SDCCAG8: variants seen among roughly 807,000 people sequenced by gnomAD.
The protein encoded by SDCCAG8 is serologically defined colon cancer antigen 8.
Under a neutral mutation model 101.8 loss-of-function variants are expected in SDCCAG8, and 74 were observed. The ratio of observed to expected loss-of-function variants is 0.73; its 90% CI spans 0.60 to 0.88. The LOEUF (loss-of-function observed/expected upper bound fraction) is 0.88, where lower values mean the gene tolerates loss of function less well. Among genes scored for constraint, SDCCAG8 ranks in the 40% least tolerant of loss-of-function variants. The pLI, the probability that SDCCAG8 is intolerant of heterozygous loss-of-function variation, is 0.00. For synonymous variants in SDCCAG8, 281 were observed against 292.9 expected (o/e 0.96, Z 0.41); for missense variants, 787 against 822.6 (o/e 0.96, Z 0.53).
intron 1 of SDCCAG8, chr1:243,267,372 G>A (rs1423073311): frequency 1.6e-5 from 4 of 244,260 alleles, no homozygotes. Flanking sequence ...TGAGACGGGC[G>A]GATTTCACCT....
At chr1:243,490,211 CAT>C (rs759797762) in intron 17 of SDCCAG8, among the ~76,000 whole-genome samples, 13 of 152,272 alleles carry the variant, frequency 8.5e-5, no homozygotes, top group African/African-American at 1.7e-4. Flanking sequence ...CTCTGCCAAA[CAT>C]GTGTTCACAG....
chr1:243,339,005 C>T (rs949687155), intron 10 of SDCCAG8: 2 of 149,286 alleles, frequency 1.3e-5, no homozygotes, highest in South Asian at 2.9e-4. Flanking sequence ...GGGTGGGCGG[C>T]AGGAGGGAGC....
chr1:243,361,793 C>G (rs1181637653), intron 12 of SDCCAG8, among the ~76,000 whole-genome samples: 1 of 152,334 alleles, frequency 6.6e-6, no homozygotes, highest in East Asian at 1.9e-4. Flanking sequence ...GTTATTCTCT[C>G]ACAGCACCTC....
chr1:243,405,463 G>A (rs555846517), intron 13 of SDCCAG8, among the ~76,000 whole-genome samples: 214 of 152,112 alleles, frequency 1.4e-3, no homozygotes, highest in Non-Finnish European at 2.5e-3. Context: ...AAATATTATT[G>A]AATGCCTTCT....
At chr1:243,321,400 G>A (rs1181096635) in intron 9 of SDCCAG8, among the ~76,000 whole-genome samples, 1 of 150,278 alleles carries the variant, frequency 6.7e-6, no homozygotes, top group African/African-American at 2.5e-5. Context: ...CCCCCAAGTT[G>A]TCTGCAGTGT....
At chr1:243,323,008 G>A (rs1470335731) in intron 9 of SDCCAG8, among the ~76,000 whole-genome samples, 10 of 151,900 alleles carry the variant, frequency 6.6e-5, no homozygotes, top group South Asian at 2.1e-4. Context: ...GGTGGTGTGC[G>A]CCTGTAGTCC....
At chr1:243,350,624 G>C (rs1158497240) in intron 12 of SDCCAG8, among the ~76,000 whole-genome samples, 2 of 152,112 alleles carry the variant, frequency 1.3e-5, no homozygotes, top group Admixed American at 6.5e-5. Context: ...ACATCTTCAA[G>C]GATTTGACAA....
rs569356171 is a variant in SDCCAG8 at position 243,474,107 on chromosome 1, C to T, written c.1986-14907C>T. ...TTAAAATTTGAGTCCTTCATGATCA[C>T]TGACAAACAATGATTCATTGGTTTA... On this transcript the variant is annotated intron_variant, in intron 16 of 17. Coordinates refer to ENST00000366541, the MANE Select transcript of SDCCAG8 (RefSeq NM_006642.5). The surrounding 1 kb of genome is among the most constrained non-coding windows in gnomAD (Gnocchi z 4.7). Among the ~76,000 whole-genome samples, 2 of 152,142 alleles carry T rather than the reference C, an allele frequency of 1.3e-5. No homozygotes were observed. Among genetic ancestry groups the T allele is most frequent in the East Asian group, 3.9e-4 (2 of 5,180 alleles).
chr1:243,387,173 G>A (rs2078358775), intron 13 of SDCCAG8, among the ~76,000 whole-genome samples: 1 of 152,152 alleles, frequency 6.6e-6, no homozygotes, highest in South Asian at 2.1e-4. Context: ...GCTGAATAAA[G>A]CAACCACTTC....
At chr1:243,316,624 C>CT (rs1237579368) in intron 8 of SDCCAG8, 131 bp from the exon 9 acceptor site, 6 of 1,091,772 alleles carry the variant, frequency 5.5e-6, no homozygotes, top group Non-Finnish European at 8.2e-6. Flanking sequence ...CTGGGGTGTG[C>CT]TTTATTTCAT....
At chr1:243,449,524 A>C (rs2083192458) in intron 16 of SDCCAG8, among the ~76,000 whole-genome samples, 1 of 152,250 alleles carries the variant, frequency 6.6e-6, no homozygotes, top group Non-Finnish European at 1.5e-5. Context: ...ATAGCCAGGC[A>C]GAACAGCCCT....
intron 6 of SDCCAG8, among the ~76,000 whole-genome samples, chr1:243,294,501 A>AAGAGTGAGAGAGAGAG (rs2070627731): frequency 3.7e-5 from 1 of 26,684 alleles, no homozygotes; most frequent in African/African-American, 1.2e-4. Context: ...GAGAGAGAGA[A>AAGAGTGAGAGAGAGAG]AGAGCGAGAG....
At chr1:243,324,575 T>A (rs2074010507) in intron 9 of SDCCAG8, among the ~76,000 whole-genome samples, 1 of 149,824 alleles carries the variant, frequency 6.7e-6, no homozygotes, top group South Asian at 2.1e-4. Context: ...TCTCCCTCCT[T>A]AGCCCCGCAA....
At chr1:243,455,122 G>A (rs563551769) in intron 16 of SDCCAG8, among the ~76,000 whole-genome samples, 1 of 152,098 alleles carries the variant, frequency 6.6e-6, no homozygotes, top group Non-Finnish European at 1.5e-5. Flanking sequence ...AATTTTGAAA[G>A]GAGGAAATCT....
intron 17 of SDCCAG8, among the ~76,000 whole-genome samples, chr1:243,495,524 G>A (rs1667606908): frequency 6.6e-6 from 1 of 152,154 alleles, no homozygotes; most frequent in Admixed American, 6.5e-5. Context: ...CCTTAACCGT[G>A]AGCCCCCGCC....
intron 17 of SDCCAG8, among the ~76,000 whole-genome samples, chr1:243,491,404 C>T (rs1268132694): frequency 1.3e-5 from 2 of 152,208 alleles, no homozygotes; most frequent in African/African-American, 4.8e-5. Flanking sequence ...ATCTCTAAAG[C>T]GGCCTTTCAG....
At chr1:243,399,776 C>G (rs2079258238) in intron 13 of SDCCAG8, among the ~76,000 whole-genome samples, 1 of 152,150 alleles carries the variant, frequency 6.6e-6, no homozygotes, top group African/African-American at 2.4e-5. Context: ...TCCCAAAGTG[C>G]TGGGATTGCA....
intron 12 of SDCCAG8, among the ~76,000 whole-genome samples, chr1:243,358,986 A>T (rs1418927557): frequency 6.6e-6 from 1 of 152,222 alleles, no homozygotes; most frequent in Non-Finnish European, 1.5e-5. Context: ...CCTGATGGGC[A>T]TGGAGTTTCT....
intron 7 of SDCCAG8, chr1:243,307,604 A>G (rs2072282656): frequency 1.0e-6 from 1 of 985,076 alleles, no homozygotes; most frequent in Non-Finnish European, 1.2e-6. Flanking sequence ...GTTGTCTTAT[A>G]TTACCCCACC....
Sources: allele counts gnomAD v4.1 joint callset (sites outside exome capture counted in the v4.1 genomes callset), GRCh38; gene constraint gnomAD v4.1.1; non-coding constraint Gnocchi (gnomAD v3.1); transcripts MANE v1.5; gene names NCBI Gene and HGNC (gene_info 2026-07-23, HGNC 2026-07-21).